The following FIZ1 variants were observed in gnomAD, a reference collection of about 807,000 sequenced individuals.
The protein encoded by FIZ1 is flt3-interacting zinc finger protein 1.
A neutral mutation model predicts 5.3 loss-of-function variants in FIZ1; 2 were observed. The observed-to-expected ratio is 0.37, with a 90% CI of 0.15 to 1.18. The LOEUF is 1.18. Among genes scored for constraint, FIZ1 ranks in the 50% most tolerant of loss-of-function variants. The pLI is 0.37. For synonymous variants in FIZ1, 407 were observed against 364.2 expected, an observed-to-expected ratio of 1.12 and a Z score of -1.34; for missense variants, 631 against 749.7, an observed-to-expected ratio of 0.84 and a Z score of 1.85.
rs1191519704 is a variant in FIZ1 at position 55,593,157 on chromosome 19, C to A, written c.784G>T (p.Ala262Ser). 2 of 1,177,888 alleles carry A rather than the reference C, an allele frequency of 1.7e-6. No homozygotes were observed. Among genetic ancestry groups the A allele is most frequent in the East Asian group, 1.0e-4 (2 of 19,848 alleles). 73.0% of individuals were successfully genotyped at this position (1,177,888 alleles called of 1,614,324 possible). The part of the protein sequence containing the change: ...LQGPGAPPAQ[A>S]WAAGPGAGPE... Reference sequence around the variant, plus strand: ...CCTGCGCCTGGCCCCGCGGCCCAGGCCTGCGCTGGGGGCGCGCCCGGGCCC... The same window carrying A: ...CCTGCGCCTGGCCCCGCGGCCCAGGACTGCGCTGGGGGCGCGCCCGGGCCC... The change falls in exon 3 of 3, where the codon GCC becomes TCC. Residue 262 changes from alanine to serine, a missense_variant. Physicochemically the swap from Ala to Ser is moderately conservative, Grantham distance 99 (BLOSUM62 1). Around this residue, in one of 4 missense-constraint regions of FIZ1, gnomAD observed 463 missense variants for 455.1 expected, o/e 1.02. Coordinates refer to ENST00000221665, the MANE Select transcript of FIZ1 (RefSeq NM_032836.3). The surrounding 1 kb of genome is among the most constrained non-coding windows in gnomAD (Gnocchi z 6.3).
chr19:55,594,489 A>G (rs976051051), intron 2 of FIZ1, among the ~76,000 whole-genome samples: 1 of 148,008 alleles, frequency 6.8e-6, no homozygotes, highest in Non-Finnish European at 1.5e-5. Context: ...TGAGGTCAGG[A>G]GATCGAGACC....
intron 1 of FIZ1, chr19:55,598,663 G>A (rs1418515318): frequency 6.6e-6 from 1 of 152,042 alleles, no homozygotes; most frequent in Non-Finnish European, 1.5e-5. Flanking sequence ...TAAGTTATTT[G>A]ACTTATCTAA....
rs1423972075 is a variant in FIZ1, at chr19:55,592,976, G to A, written c.965C>T (p.Ala322Val). 1 of 1,539,006 alleles carries A rather than the reference G, an allele frequency of 6.5e-7. No individual in the cohort carries two copies. The highest frequency in any genetic ancestry group is 1.4e-5 in the African/African-American group (1 of 70,180). The change falls in exon 3 of 3, where the codon GCC becomes GTC. Residue 322 changes from alanine (A) to valine (V), a missense_variant. By Grantham distance (64) the Ala-to-Val change is moderately conservative (BLOSUM62 0). This residue lies in a region of FIZ1 where 463 missense variants were observed against 455.1 expected (regional missense o/e 1.02). Transcript: ENST00000221665. This position sits in a 1 kb window ranked among gnomAD's most constrained non-coding sequence, Gnocchi z 6.9. Reference sequence around the variant, plus strand: ...CAGGGTGTCTTCCGAGGGCTCGGCGGCCGCCGCAGGTGCAGGCGCCTCCCC... The same window carrying A: ...CAGGGTGTCTTCCGAGGGCTCGGCGACCGCCGCAGGTGCAGGCGCCTCCCC... ...GGGEAPAPAAAAEPSEDTLYQ... is the reference protein window; with the variant it reads ...GGGEAPAPAAVAEPSEDTLYQ...
intron 1 of FIZ1, chr19:55,598,127 A>C (rs1599992744): frequency 3.6e-6 from 2 of 558,146 alleles, no homozygotes; most frequent in Non-Finnish European, 6.3e-6. Flanking sequence ...TAGTCTCCTC[A>C]CTCCACGGAG....
At chr19:55,594,419 C>T (rs1435977486) in intron 2 of FIZ1, among the ~76,000 whole-genome samples, 16 of 127,762 alleles carry the variant, frequency 1.3e-4, no homozygotes, top group East Asian at 2.3e-4. Context: ...AAAAAAAGCC[C>T]GGGTGCGGTG....
chr19:55,597,495 C>T, intron 2 of FIZ1, 77 bp downstream of exon 2: 1 of 1,501,796 alleles, frequency 6.7e-7, no homozygotes, highest in Non-Finnish European at 8.9e-7. Context: ...TCCTTTTGCC[C>T]AGAGTACAGT....
chr19:55,593,177 G>C lies in FIZ1; in HGVS notation c.764C>G (p.Pro255Arg). The change falls in exon 3 of 3, where the codon CCG becomes CGG. Residue 255 changes from proline (P) to arginine (R), a missense_variant. Transcript: ENST00000221665. The surrounding 1 kb of genome is among the most constrained non-coding windows in gnomAD (Gnocchi z 6.3). ...CCAGGCCTGCGCTGGGGGCGCGCCC[G>C]GGCCCTGCAGGTCGTGCGTCAGCTT... Reference protein sequence around the residue: ...RHKLTHDLQGPGAPPAQAWAA... With the variant: ...RHKLTHDLQGRGAPPAQAWAA... 1 of 1,169,494 alleles carries C rather than the reference G, an allele frequency of 8.6e-7. No homozygotes were observed. Among genetic ancestry groups the C allele is most frequent in the Non-Finnish European group, 1.1e-6 (1 of 942,828 alleles). The allele number at this position is 1,169,494 out of a possible 1,614,324, so 72.4% of individuals were successfully genotyped here.
chr19:55,591,628 G>C lies in FIZ1; in HGVS notation c.*822C>G, dbSNP rs1327762578. Reference sequence around the variant, plus strand: ...CACAGGATAAAGAATTGCGTGGACCGGTCCACACGCTACAGGAAAAGAGAG... The same window carrying C: ...CACAGGATAAAGAATTGCGTGGACCCGTCCACACGCTACAGGAAAAGAGAG... On this transcript the variant is annotated 3_prime_UTR_variant, in exon 3 of 3. Transcript: ENST00000221665. The C allele has an allele frequency of 6.6e-6, 1 of 152,318 alleles. No homozygotes were observed. The highest frequency in any genetic ancestry group is 2.4e-5 in the African/African-American group (1 of 41,422). 9.4% of individuals were successfully genotyped at this position (152,318 alleles called of 1,614,324 possible). A position where few individuals can be genotyped will look rare whatever the true frequency, so the allele number is the denominator to read the frequency against.
At position 55,593,224 on chromosome 19, in the gene FIZ1, C is replaced by T. The variant is rs1270708554; in HGVS notation, c.717G>A (p.Ala239=). ...GCTTGTGCCGCTCCAGCAGCGCGGG[C>T]GCGTTGAAGTCGCGCTCGCAGCGCG... ...KCPRCERDFN[A]PALLERHKLT... is the part of the protein sequence containing the mutation. Residue 239 remains alanine (A), a synonymous_variant, in exon 3 of 3, where the codon GCG becomes GCA. Transcript: ENST00000221665. The surrounding 1 kb of genome is among the most constrained non-coding windows in gnomAD (Gnocchi z 6.3). 1.1e-5 allele frequency: 14 copies of T among 1,234,980 alleles called. No homozygotes were observed. The highest frequency in any genetic ancestry group is 6.0e-5 in the South Asian group (3 of 50,080). 76.5% of individuals were successfully genotyped at this position (1,234,980 alleles called of 1,614,324 possible).
At position 55,592,630 on chromosome 19, in the gene FIZ1, A is replaced by G; in HGVS notation, c.1311T>C (p.Thr437=). 6.2e-7 allele frequency: 1 copy of G among 1,613,458 alleles called. No individual in the cohort carries two copies. The highest frequency in any genetic ancestry group is 1.3e-5 in the African/African-American group (1 of 75,054). The change falls in exon 3 of 3, where the codon ACT becomes ACC. Residue 437 remains threonine (T), a synonymous_variant. Coordinates refer to ENST00000221665, the MANE Select transcript of FIZ1 (RefSeq NM_032836.3). The surrounding 1 kb of genome is among the most constrained non-coding windows in gnomAD (Gnocchi z 6.9). ...CCAGGCACGGGAACGGCTTCTCGCC[A>G]GTGTGCACCAGCACGTGCCGCTCCA... is the stretch of plus-strand genomic sequence containing the variant. ...RDLERHVLVH[T]GEKPFPCLEC...
rs1980407308 is a variant in FIZ1 at position 55,597,894 on chromosome 19, G to A, written c.-29C>T. ...GGCGGGGAATACAGTGGTATGTGGGGGCTCTCTCTGGAGTAGTGGGGAGAC... is the reference window on the plus strand; with the variant it reads ...GGCGGGGAATACAGTGGTATGTGGGAGCTCTCTCTGGAGTAGTGGGGAGAC... On this transcript the variant is annotated 5_prime_UTR_variant, in exon 2 of 3. Coordinates refer to ENST00000221665, the MANE Select transcript of FIZ1 (RefSeq NM_032836.3). The A allele has an allele frequency of 6.5e-7, 1 of 1,543,488 alleles. No homozygotes were observed.
At position 55,593,238 on chromosome 19, in the gene FIZ1, G is replaced by T; in HGVS notation, c.703C>A (p.Arg235Ser). The change falls in exon 3 of 3, where the codon CGC becomes AGC. Residue 235 changes from arginine (R) to serine (S), a missense_variant. This residue lies in a region of FIZ1 where 463 missense variants were observed against 455.1 expected (regional missense o/e 1.02). Transcript: ENST00000221665. This position sits in a 1 kb window ranked among gnomAD's most constrained non-coding sequence, Gnocchi z 6.3. The stretch of plus-strand genomic sequence containing the variant: ...AGCAGCGCGGGCGCGTTGAAGTCGC[G>T]CTCGCAGCGCGGGCACTTGAAGGGC... ...VKPFKCPRCERDFNAPALLER... is the reference protein window; with the variant it reads ...VKPFKCPRCESDFNAPALLER... The T allele has an allele frequency of 3.2e-6, 4 of 1,249,570 alleles. No individual in the cohort carries two copies. The highest frequency in any genetic ancestry group is 4.1e-6 in the Non-Finnish European group (4 of 987,428). 77.4% of individuals were successfully genotyped at this position (1,249,570 alleles called of 1,614,324 possible). A position where few individuals can be genotyped will look rare whatever the true frequency, so the allele number is the denominator to read the frequency against.
Position 55,591,441 on chromosome 19 carries a change from C to G in FIZ1, c.*1009G>C, listed in dbSNP as rs1979994513. ...GGGGAGAGGGACGAGGGGGCAAGGT[C>G]GAGGCTCACAGGGGCACCCCCTAGC... On this transcript the variant is annotated 3_prime_UTR_variant, in exon 3 of 3. Transcript: ENST00000221665. The G allele has an allele frequency of 6.6e-6, 1 of 152,322 alleles. No individual in the cohort carries two copies. Among genetic ancestry groups the G allele is most frequent in the Non-Finnish European group, 1.5e-5 (1 of 68,174 alleles). The allele number at this position is 152,322 out of a possible 1,614,324, so 9.4% of individuals were successfully genotyped here. A position where few individuals can be genotyped will look rare whatever the true frequency, so the allele number is the denominator to read the frequency against.
intron 1 of FIZ1, 31 bp from the exon 2 acceptor site, chr19:55,597,932 G>T: frequency 6.7e-7 from 1 of 1,488,742 alleles, no homozygotes; most frequent in Non-Finnish European, 8.9e-7. Context: ...AGGAGCAGGT[G>T]AGGGGGTCGG....
rs1341203393 is a variant in FIZ1, at chr19:55,592,261, G to GT, written c.*188dup. On this transcript the variant is annotated 3_prime_UTR_variant, in exon 3 of 3. Transcript: ENST00000221665. The surrounding 1 kb of genome is among the most constrained non-coding windows in gnomAD (Gnocchi z 6.9). ...CAGCTAAGGACCCTGTTTGTTTGTG[G>GT]TCCCCCAGCTCCGGGGCCTTTGTGG... 1 of 625,064 alleles carries GT rather than the reference G, an allele frequency of 1.6e-6. No individual in the cohort carries two copies. Among genetic ancestry groups the GT allele is most frequent in the African/African-American group, 1.9e-5 (1 of 53,456 alleles). 38.7% of individuals were successfully genotyped at this position (625,064 alleles called of 1,614,324 possible).
chr19:55,592,116 A>C lies in FIZ1; in HGVS notation c.*334T>G. The stretch of plus-strand genomic sequence containing the variant: ...TATTAGGGCTCTCAAGATGAGAGGT[A>C]CTTGTGGAGACCCATTGCTCACTGC... On this transcript the variant is annotated 3_prime_UTR_variant, in exon 3 of 3. Transcript: ENST00000221665. The surrounding 1 kb of genome is among the most constrained non-coding windows in gnomAD (Gnocchi z 6.9). 1 of 303,648 alleles carries C rather than the reference A, an allele frequency of 3.3e-6. No homozygotes were observed. Among genetic ancestry groups the C allele is most frequent in the Non-Finnish European group, 6.1e-6 (1 of 165,034 alleles). The allele number at this position is 303,648 out of a possible 1,614,324, so 18.8% of individuals were successfully genotyped here.
chr19:55,593,326 G>A lies in FIZ1; in HGVS notation c.615C>T (p.Cys205=), dbSNP rs766319486. 4 of 1,284,288 alleles carry A rather than the reference G, an allele frequency of 3.1e-6. No individual in the cohort carries two copies. The highest frequency in any genetic ancestry group is 3.9e-6 in the Non-Finnish European group (4 of 1,016,876). 79.6% of individuals were successfully genotyped at this position (1,284,288 alleles called of 1,614,324 possible). ...ASLPPFACGA[C]ARRFDHGREL... is the part of the protein sequence containing the mutation. ...CGCGGCCGTGGTCGAAGCGCCGCGC[G>A]CAGGCGCCGCACGCAAATGGGGGCA... The change falls in exon 3 of 3, where the codon TGC becomes TGT. Residue 205 remains cysteine, a synonymous_variant. Transcript: ENST00000221665. This position sits in a 1 kb window ranked among gnomAD's most constrained non-coding sequence, Gnocchi z 6.3.
chr19:55,594,127 G>A (rs559696966), intron 2 of FIZ1, among the ~76,000 whole-genome samples: 1 of 152,052 alleles, frequency 6.6e-6, no homozygotes, highest in Admixed American at 6.6e-5. Context: ...GGTGGCTCAC[G>A]TGTGTAATCC....
intron 1 of FIZ1, chr19:55,598,126 C>T (rs1980424483): frequency 1.7e-6 from 1 of 574,298 alleles, no homozygotes; most frequent in Non-Finnish European, 3.1e-6. Flanking sequence ...ATAGTCTCCT[C>T]ACTCCACGGA....
Sources: allele counts gnomAD v4.1 joint callset (sites outside exome capture counted in the v4.1 genomes callset), GRCh38; gene constraint gnomAD v4.1.1; regional missense constraint gnomAD v4.1.1; non-coding constraint Gnocchi (gnomAD v3.1); transcripts MANE v1.5; gene names NCBI Gene and HGNC (gene_info 2026-07-23, HGNC 2026-07-21).